Variants in ZYG11A observed in about 807,000 individuals in gnomAD.
ZYG11A encodes protein zyg-11 homolog A.
Under a neutral mutation model 77.2 loss-of-function variants are expected in ZYG11A, and 62 were observed. The observed-to-expected ratio is 0.80, with a 90% CI of 0.65 to 0.99. The LOEUF is 0.99. ZYG11A is among the 50% of genes least tolerant of loss of function. The pLI, the probability that ZYG11A is intolerant of heterozygous loss-of-function variation, is 0.00. For synonymous variants in ZYG11A, 315 were observed against 324.6 expected, an observed-to-expected ratio of 0.97 and a Z score of 0.32; for missense variants, 828 against 896.8, an observed-to-expected ratio of 0.92 and a Z score of 0.98.
intron 8 of ZYG11A, among the ~76,000 whole-genome samples, chr1:52,874,520 A>G (rs1571869035): frequency 1.3e-5 from 2 of 152,084 alleles, no homozygotes; most frequent in South Asian, 2.1e-4. Context: ...TCAAAGTGCT[A>G]TGATTATAGG....
chr1:52,866,539 A>G lies in ZYG11A; in HGVS notation c.1363A>G (p.Arg455Gly). The G allele has an allele frequency of 6.5e-7, 1 of 1,543,542 alleles. No individual in the cohort carries two copies. Among genetic ancestry groups the G allele is most frequent in the Non-Finnish European group, 8.8e-7 (1 of 1,140,006 alleles). ...KNCLLSLTNS[R>G]ILVDVPFDRF... is the part of the protein sequence containing the mutation. ...TTGTCTTCTCTCCTTAACCAATTCCAGGATTCTTGTGGATGTTCCATTTGA... is the reference window on the plus strand; with the variant it reads ...TTGTCTTCTCTCCTTAACCAATTCCGGGATTCTTGTGGATGTTCCATTTGA... Residue 455 changes from arginine to glycine, a missense_variant, in exon 6 of 14, where the codon AGG (arginine) becomes GGG (glycine). By Grantham distance (125) the Arg-to-Gly change is moderately radical. Coordinates refer to ENST00000371528, the MANE Select transcript of ZYG11A (RefSeq NM_001004339.3).
rs181834437 is a variant in ZYG11A at position 52,852,924 on chromosome 1, A to T, written c.91-1541A>T. Among the ~76,000 whole-genome samples, 33 of 152,338 alleles carry T rather than the reference A, an allele frequency of 2.2e-4. No individual in the cohort carries two copies. The East Asian group carries it at 5.8e-3, about 27-fold the overall frequency. On this transcript the variant is annotated intron_variant, in intron 1 of 13. Transcript: ENST00000371528. Reference sequence around the variant, plus strand: ...TTTATTGATACTGACAGTGAAAAACAGTGGTCATATGTGTACTCACTGTAA... The same window carrying T: ...TTTATTGATACTGACAGTGAAAAACTGTGGTCATATGTGTACTCACTGTAA...
In ZYG11A at chr1:52,877,912, A is replaced by AT; in HGVS notation, c.1705-6dup. The AT allele has an allele frequency of 3.9e-6, 6 of 1,551,524 alleles. No homozygotes were observed. The highest frequency in any genetic ancestry group is 4.4e-6 in the Non-Finnish European group (5 of 1,146,902). The stretch of plus-strand genomic sequence containing the variant: ...ATGATAAAGTAACCTGTATGTATAT[A>AT]TTTTTTTGACAGACCTTTTCAGAGT... On this transcript the variant is annotated splice_polypyrimidine_tract_variant and intron_variant, in intron 9 of 13. Transcript: ENST00000371528.
At chr1:52,877,627 G>A (rs1221409056) in intron 8 of ZYG11A, 55 bp from the exon 9 acceptor site, 28 of 1,448,884 alleles carry the variant, frequency 1.9e-5, no homozygotes, top group Admixed American at 4.9e-5. Context: ...TCCTTATACC[G>A]CAATTGATTA....
intron 5 of ZYG11A, among the ~76,000 whole-genome samples, chr1:52,865,464 C>T (rs559675150): frequency 6.6e-6 from 1 of 152,210 alleles, no homozygotes; most frequent in South Asian, 2.1e-4. Context: ...CATTCCACTC[C>T]TAGGTATTTA....
intron 8 of ZYG11A, among the ~76,000 whole-genome samples, chr1:52,875,480 T>C (rs1646244660): frequency 6.6e-6 from 1 of 152,244 alleles, no homozygotes; most frequent in African/African-American, 2.4e-5. Flanking sequence ...TGGTGCTGAA[T>C]CTCAGTATGT....
At chr1:52,864,222 C>CACGG in intron 5 of ZYG11A, 65 bp downstream of exon 5, 1 of 1,474,970 alleles carries the variant, frequency 6.8e-7, no homozygotes, top group South Asian at 1.3e-5. Flanking sequence ...GCTCTGTTGC[C>CACGG]CAGGCCAGAG....
intron 5 of ZYG11A, among the ~76,000 whole-genome samples, chr1:52,865,583 C>T (rs578078138): frequency 1.3e-5 from 2 of 152,044 alleles, no homozygotes; most frequent in South Asian, 2.1e-4. Flanking sequence ...CAACAACAGG[C>T]GAATAGAAGC....
Position 52,842,844 on chromosome 1 carries a change from A to C in ZYG11A, c.-40A>C. Reference sequence around the variant, plus strand: ...CTCGCGGGATCCGGGCTCCGGCTCGACGCCGGCTCTCTTTTTGACGCCCCG... The same window carrying C: ...CTCGCGGGATCCGGGCTCCGGCTCGCCGCCGGCTCTCTTTTTGACGCCCCG... On this transcript the variant is annotated 5_prime_UTR_variant, in exon 1 of 14. Coordinates refer to ENST00000371528, the MANE Select transcript of ZYG11A (RefSeq NM_001004339.3). The C allele has an allele frequency of 2.0e-6, 3 of 1,519,340 alleles. No individual in the cohort carries two copies. The highest frequency in any genetic ancestry group is 2.7e-6 in the Non-Finnish European group (3 of 1,130,946). 94.1% of individuals were successfully genotyped at this position (1,519,340 alleles called of 1,614,324 possible).
At position 52,842,906 on chromosome 1, in the gene ZYG11A, G is replaced by T; in HGVS notation, c.23G>T (p.Gly8Val). MVHFLHPGHTPRNIVPPD... is the reference protein window; with the variant it reads MVHFLHPVHTPRNIVPPD... ...GCCATGGTTCATTTCTTGCACCCGGGCCACACGCCCCGGAACATCGTCCCT... is the reference window on the plus strand; with the variant it reads ...GCCATGGTTCATTTCTTGCACCCGGTCCACACGCCCCGGAACATCGTCCCT... Residue 8 changes from glycine to valine, a missense_variant, in exon 1 of 14, where the codon GGC becomes GTC. Physicochemically the swap from Gly to Val is moderately radical, Grantham distance 109. Coordinates refer to ENST00000371528, the MANE Select transcript of ZYG11A (RefSeq NM_001004339.3). The T allele has an allele frequency of 6.5e-7, 1 of 1,531,056 alleles. No homozygotes were observed. The highest frequency in any genetic ancestry group is 8.8e-7 in the Non-Finnish European group (1 of 1,138,430). 94.8% of individuals were successfully genotyped at this position (1,531,056 alleles called of 1,614,324 possible).
At position 52,857,494 on chromosome 1, in the gene ZYG11A, C is replaced by T; in HGVS notation, c.753C>T (p.Val251=). Residue 251 remains valine, a synonymous_variant, in exon 3 of 14, where the codon GTC becomes GTT. Coordinates refer to ENST00000371528, the MANE Select transcript of ZYG11A (RefSeq NM_001004339.3). ...LAMTKSQILA[V]IRELKCLLHL... ...TGACCAAATCACAAATTCTTGCAGT[C>T]ATTAGAGAACTTAAATGTCTGCTTC... 1 of 1,552,198 alleles carries T rather than the reference C, an allele frequency of 6.4e-7. No individual in the cohort carries two copies. The highest frequency in any genetic ancestry group is 8.7e-7 in the Non-Finnish European group (1 of 1,147,124).
At position 52,877,713 on chromosome 1, in the gene ZYG11A, C is replaced by A; in HGVS notation, c.1574C>A (p.Thr525Asn). ...CTAGCAATAGTAAAACAAAAGACTA[C>A]TGAGAATTTAGATGATGTCACCTTC... Reference protein sequence around the residue: ...ELLAIVKQKTTENLDDVTFLF... With the variant: ...ELLAIVKQKTNENLDDVTFLF... Residue 525 changes from threonine to asparagine, a missense_variant, in exon 9 of 14, where the codon ACT (threonine) becomes AAT (asparagine). Transcript: ENST00000371528. 6.4e-7 allele frequency: 1 copy of A among 1,551,794 alleles called. No individual in the cohort carries two copies. Among genetic ancestry groups the A allele is most frequent in the Non-Finnish European group, 8.7e-7 (1 of 1,146,940 alleles).
Position 52,892,895 on chromosome 1 carries a change from G to T in ZYG11A, c.2218G>T (p.Asp740Tyr). 1 of 1,551,766 alleles carries T rather than the reference G, an allele frequency of 6.4e-7. No individual in the cohort carries two copies. The highest frequency in any genetic ancestry group is 8.7e-7 in the Non-Finnish European group (1 of 1,146,958). The change falls in exon 14 of 14, where the codon GAT (aspartate) becomes TAT (tyrosine). Residue 740 changes from aspartate (D) to tyrosine (Y), a missense_variant. Physicochemically the swap from Asp to Tyr is radical, Grantham distance 160. Transcript: ENST00000371528. ...KAQQIAASIL[D>Y]DFRMHFMNYQ... ...ACAGCAGATTGCAGCCTCCATTCTG[G>T]ATGACTTCAGAATGCATTTCATGAA... is the stretch of plus-strand genomic sequence containing the variant.
chr1:52,887,731 A>G (rs1292611891), intron 13 of ZYG11A, among the ~76,000 whole-genome samples: 2 of 152,006 alleles, frequency 1.3e-5, no homozygotes, highest in African/African-American at 4.8e-5. Context: ...TTTACATTAA[A>G]AAAAAAATTA....
At chr1:52,868,905 G>A (rs576187165) in intron 8 of ZYG11A, among the ~76,000 whole-genome samples, 4 of 151,024 alleles carry the variant, frequency 2.6e-5, no homozygotes, top group Admixed American at 6.6e-5. Flanking sequence ...GTGCAATCTC[G>A]GCTCACTGTA....
At chr1:52,848,551 C>G (rs1158277825) in intron 1 of ZYG11A, among the ~76,000 whole-genome samples, 2 of 152,128 alleles carry the variant, frequency 1.3e-5, no homozygotes, top group Non-Finnish European at 2.9e-5. Context: ...TTGCCCAGGC[C>G]AGTCTTGAGC....
intron 2 of ZYG11A, among the ~76,000 whole-genome samples, chr1:52,856,386 C>CT (rs1221807807): frequency 1.4e-5 from 2 of 145,778 alleles, no homozygotes; most frequent in African/African-American, 2.5e-5. Context: ...ATCGCTTGAA[C>CT]TTGGGAAGCG....
chr1:52,883,645 G>A (rs536682782), intron 11 of ZYG11A, among the ~76,000 whole-genome samples: 44 of 150,600 alleles, frequency 2.9e-4, no homozygotes, highest in Admixed American at 2.4e-3. Flanking sequence ...CAGGCTAGTC[G>A]CAAACTCCTG....
intron 4 of ZYG11A, among the ~76,000 whole-genome samples, chr1:52,863,562 G>A (rs185687880): frequency 1.0e-3 from 152 of 152,214 alleles, no homozygotes; most frequent in African/African-American, 3.1e-3. Flanking sequence ...TCATTGATGC[G>A]TCTTTTATGG....
Sources: allele counts gnomAD v4.1 joint callset (sites outside exome capture counted in the v4.1 genomes callset), GRCh38; gene constraint gnomAD v4.1.1; transcripts MANE v1.5; gene names NCBI Gene and HGNC (gene_info 2026-07-23, HGNC 2026-07-21).